Variants in CCDC88C observed in about 807,000 individuals in gnomAD.
CCDC88C encodes the protein coiled-coil and HOOK domain protein 88C.
CCDC88C carries 131 observed loss-of-function variants against 198.8 expected under a neutral mutation model. The ratio of observed to expected loss-of-function variants is 0.66; its 90% confidence interval spans 0.57 to 0.76. The LOEUF (loss-of-function observed/expected upper bound fraction) is 0.76, where lower values mean the gene tolerates loss of function less well. Among genes scored for constraint, CCDC88C ranks in the 30% least tolerant of loss-of-function variants. CCDC88C has a pLI of 0.00. For synonymous variants in CCDC88C, 1,166 were observed against 1,114.7 expected (o/e 1.05, Z -0.92); for missense variants, 2,553 against 2,631.6 (o/e 0.97, Z 0.65).
intron 2 of CCDC88C, 107 bp downstream of exon 2, chr14:91,416,631 T>C: frequency 1.2e-6 from 1 of 808,416 alleles, no homozygotes; most frequent in Middle Eastern, 2.2e-4. Flanking sequence ...TTCAGAGAAC[T>C]ACCCCCCACC....
intron 19 of CCDC88C, 104 bp from the exon 20 acceptor site, chr14:91,304,082 T>C (rs1175392113): frequency 7.3e-7 from 1 of 1,369,434 alleles, no homozygotes; most frequent in Non-Finnish European, 1.0e-6. Context: ...GCCGGGACCC[T>C]CAGGGCAGAA....
rs547892758 is a variant in CCDC88C, at chr14:91,411,866, G to A, written c.162-3099C>T. On this transcript the variant is annotated intron_variant, in intron 2 of 29. Transcript: ENST00000389857. ...TAATCCTAGCTAATCGGGAGGCTGA[G>A]GCAGGAGAATCACCTGAACCTGGGA... Among the ~76,000 whole-genome samples, 4 of 151,818 alleles carry A rather than the reference G, an allele frequency of 2.6e-5. No homozygotes were observed. The South Asian group carries it at 8.3e-4, about 32-fold the overall frequency.
Position 91,305,944 on chromosome 14 carries a change from A to C in CCDC88C, c.3196-18T>G, listed in dbSNP as rs1389861462. On this transcript the variant is annotated intron_variant, in intron 18 of 29. Coordinates refer to ENST00000389857, the MANE Select transcript of CCDC88C (RefSeq NM_001080414.4). ...GCTGCATTCTAGAAGATCGGGAGGC[A>C]TGAGCGAATCAAACTCCAACTGGGT... The C allele has an allele frequency of 1.2e-6, 2 of 1,608,404 alleles. No individual in the cohort carries two copies.
chr14:91,273,325 C>A lies in CCDC88C; in HGVS notation c.5387G>T (p.Ser1796Ile), dbSNP rs576111541. ...GGCCCGGCTCAAGGAGGCACTGCGGCTGGCAGGTGCATGGGAAGCTGGGGG... is the reference window on the plus strand; with the variant it reads ...GGCCCGGCTCAAGGAGGCACTGCGGATGGCAGGTGCATGGGAAGCTGGGGG... ...PVPPASHAPASRSASLSRAFS... is the reference protein window; with the variant it reads ...PVPPASHAPAIRSASLSRAFS... Residue 1796 changes from serine (S) to isoleucine (I), a missense_variant, in exon 30 of 30, where the codon AGC becomes ATC. Ser to Ile is a moderately radical substitution (Grantham distance 142). This residue lies in a region of CCDC88C where 1,293 missense variants were observed against 1,219.6 expected (regional missense o/e 1.06). Transcript: ENST00000389857. The surrounding 1 kb of genome is among the most constrained non-coding windows in gnomAD (Gnocchi z 5.6). 3.3e-5 allele frequency: 52 copies of A among 1,552,900 alleles called. No homozygotes were observed. In the South Asian group the frequency reaches 5.9e-4, roughly 18 times the overall value.
chr14:91,372,172 G>A (rs576810841), intron 3 of CCDC88C, among the ~76,000 whole-genome samples: 2 of 152,242 alleles, frequency 1.3e-5, no homozygotes, highest in South Asian at 4.1e-4. Context: ...CCGGGCACCT[G>A]CTGGGTGTCT....
At chr14:91,274,811 A>G (rs918000520) in intron 29 of CCDC88C, among the ~76,000 whole-genome samples, 6 of 152,216 alleles carry the variant, frequency 3.9e-5, no homozygotes, top group Admixed American at 2.6e-4. Flanking sequence ...GAAAGGCTGT[A>G]TCAAGGTAAA....
chr14:91,360,252 T>TCACACA (rs57026211), intron 3 of CCDC88C, among the ~76,000 whole-genome samples: 6,703 of 144,246 alleles, frequency 0.046, 194 homozygotes, highest in Non-Finnish European at 0.061. Context: ...GACCCCATCT[T>TCACACA]CACACACACA....
intron 13 of CCDC88C, 23 bp from the exon 14 acceptor site, chr14:91,315,810 C>T: frequency 6.2e-7 from 1 of 1,605,976 alleles, no homozygotes; most frequent in African/African-American, 1.3e-5. Context: ...AAGACCCAGC[C>T]CAGTGCAGAC....
rs77440611 is a variant in CCDC88C, at chr14:91,332,588, C to T, written c.1050+5417G>A. 6.2e-3 allele frequency among the ~76,000 whole-genome samples: 941 copies of T among 152,332 alleles called. 6 individuals carry two copies. Among genetic ancestry groups the T allele is most frequent in the Non-Finnish European group, 9.8e-3 (664 of 68,028 alleles). ...CGGTGATGCACACCAATGTGCTTTA[C>T]GGGTTAGACGGGGCAGCCTGTCTGG... is the stretch of plus-strand genomic sequence containing the variant. On this transcript the variant is annotated intron_variant, in intron 10 of 29. Transcript: ENST00000389857.
chr14:91,353,768 A>G (rs924190035), intron 4 of CCDC88C, among the ~76,000 whole-genome samples: 1 of 152,186 alleles, frequency 6.6e-6, no homozygotes, highest in Non-Finnish European at 1.5e-5. Context: ...AGAGAGAGAA[A>G]ACATAGGACA....
At chr14:91,369,582 C>T (rs1385600848) in intron 3 of CCDC88C, among the ~76,000 whole-genome samples, 1 of 152,152 alleles carries the variant, frequency 6.6e-6, no homozygotes, top group South Asian at 2.1e-4. Flanking sequence ...AACATAGCCA[C>T]TGAGAGGAAA....
intron 2 of CCDC88C, 43 bp from the exon 3 acceptor site, chr14:91,408,810 G>C (rs1886648378): frequency 7.7e-7 from 1 of 1,306,266 alleles, no homozygotes; most frequent in Non-Finnish European, 1.1e-6. Flanking sequence ...TCTCCCAGCA[G>C]CTGCCACACT....
chr14:91,375,790 C>A (rs983172228), intron 3 of CCDC88C, among the ~76,000 whole-genome samples: 1 of 152,182 alleles, frequency 6.6e-6, no homozygotes, highest in Non-Finnish European at 1.5e-5. Context: ...CTTCCCTGTG[C>A]GAGGCTCCTC....
rs1321197760 is a variant in CCDC88C at position 91,284,456 on chromosome 14, CTGAATCGGGACAGGTGGAA to C, written c.4442-958_4442-940del. On this transcript the variant is annotated intron_variant, in intron 25 of 29. Coordinates refer to ENST00000389857, the MANE Select transcript of CCDC88C (RefSeq NM_001080414.4). This position sits in a 1 kb window ranked among gnomAD's most constrained non-coding sequence, Gnocchi z 4.1. ...GATGAGAAGCAAGATTCAAGTCTGCCTGAATCGGGACAGGTGGAATGAATCGGGACAGGTCATCCTACAG... is the reference window on the plus strand; with the variant it reads ...GATGAGAAGCAAGATTCAAGTCTGCCTGAATCGGGACAGGTCATCCTACAG... 6.6e-6 allele frequency among the ~76,000 whole-genome samples: 1 copy of C among 152,302 alleles called. No homozygotes were observed. Among genetic ancestry groups the C allele is most frequent in the South Asian group, 2.1e-4 (1 of 4,830 alleles).
chr14:91,383,505 A>G (rs1329175400), intron 3 of CCDC88C, among the ~76,000 whole-genome samples: 3 of 151,972 alleles, frequency 2.0e-5, no homozygotes, highest in Non-Finnish European at 4.4e-5. Context: ...GGGTGGAGAA[A>G]GTGGGGAGCC....
At chr14:91,354,121 C>T (rs867237447) in intron 4 of CCDC88C, among the ~76,000 whole-genome samples, 5 of 152,236 alleles carry the variant, frequency 3.3e-5, no homozygotes, top group African/African-American at 1.2e-4. Flanking sequence ...GGCTCGTTCC[C>T]TTCCATTCTA....
chr14:91,376,452 C>T (rs1884419766), intron 3 of CCDC88C, among the ~76,000 whole-genome samples: 1 of 152,200 alleles, frequency 6.6e-6, no homozygotes, highest in African/African-American at 2.4e-5. Context: ...ACAGATAGGA[C>T]CCCTGCCCCC....
chr14:91,280,039 C>T (rs1430049803), intron 27 of CCDC88C: 2 of 152,282 alleles, frequency 1.3e-5, no homozygotes, highest in Non-Finnish European at 1.5e-5. Context: ...GGAAGGCTGG[C>T]ACCATTCCCT....
At position 91,371,827 on chromosome 14, in the gene CCDC88C, C is replaced by T. The variant is rs1009737101; in HGVS notation, c.271-12116G>A. On this transcript the variant is annotated intron_variant, in intron 3 of 29. Transcript: ENST00000389857. This position sits in a 1 kb window ranked among gnomAD's most constrained non-coding sequence, Gnocchi z 4.2. ...ACGCCACACCCTGGCAGCCCTCACCCGGTGGCCTGACAATGCCGCTTCACT... is the reference window on the plus strand; with the variant it reads ...ACGCCACACCCTGGCAGCCCTCACCTGGTGGCCTGACAATGCCGCTTCACT... 1.3e-5 allele frequency among the ~76,000 whole-genome samples: 2 copies of T among 152,192 alleles called. No homozygotes were observed. The highest frequency in any genetic ancestry group is 3.8e-4 in the East Asian group (2 of 5,196).
Sources: allele counts gnomAD v4.1 joint callset (sites outside exome capture counted in the v4.1 genomes callset), GRCh38; gene constraint gnomAD v4.1.1; regional missense constraint gnomAD v4.1.1; non-coding constraint Gnocchi (gnomAD v3.1); transcripts MANE v1.5; gene names NCBI Gene and HGNC (gene_info 2026-07-23, HGNC 2026-07-21).